Variants in GNAS observed in about 807,000 individuals in gnomAD.
The protein encoded by GNAS is GNAS complex locus, also known as protein ALEX.
GNAS carries 8 observed loss-of-function variants against 54.5 expected under a neutral mutation model. That is an observed-to-expected ratio of 0.15 (90% CI 0.09 to 0.26). The LOEUF (loss-of-function observed/expected upper bound fraction) is 0.26, where lower values mean the gene tolerates loss of function less well. Ranked by LOEUF, GNAS falls within the 10% of genes least tolerant of loss-of-function variation. The pLI is 1.00. For synonymous variants in GNAS, 204 were observed against 191.4 expected (o/e 1.07, Z -0.54); for missense variants, 170 against 529.8 (o/e 0.32, Z 6.67).
In GNAS at chr20:58,841,461, G is replaced by C. The variant is rs1457212900; in HGVS notation, c.43+575G>C. ...GTCACGCGCGCGCGGCGCCTAAGCAGCTCAGAGCCGGAGCCCAGGTCCCAG... is the reference window on the plus strand; with the variant it reads ...GTCACGCGCGCGCGGCGCCTAAGCACCTCAGAGCCGGAGCCCAGGTCCCAG... On this transcript the variant is annotated intron_variant, in intron 1 of 12. Transcript: ENST00000306090. This position sits in a 1 kb window ranked among gnomAD's most constrained non-coding sequence, Gnocchi z 5.0. 2 of 992,140 alleles carry C rather than the reference G, an allele frequency of 2.0e-6. No individual in the cohort carries two copies. Among genetic ancestry groups the C allele is most frequent in the East Asian group, 1.1e-4 (1 of 8,962 alleles). 61.5% of individuals were successfully genotyped at this position (992,140 alleles called of 1,614,324 possible). A position where few individuals can be genotyped will look rare whatever the true frequency, so the allele number is the denominator to read the frequency against.
intron 1 of GNAS, among the ~76,000 whole-genome samples, chr20:58,871,772 G>A (rs2087485540): frequency 6.6e-6 from 1 of 151,954 alleles, no homozygotes. Flanking sequence ...AAAAAGAGAA[G>A]AAAAGAAAAA....
chr20:58,848,827 T>C (rs920506118), intron 1 of GNAS: 1 of 398,464 alleles, frequency 2.5e-6, no homozygotes, highest in African/African-American at 2.1e-5. Context: ...TTGGCCACAC[T>C]TCTGGGGTCC....
Position 58,853,135 on chromosome 20 carries a change from A to G in GNAS, c.43+12249A>G. On this transcript the variant is annotated intron_variant, in intron 1 of 12. Transcript: ENST00000306090. This position sits in a 1 kb window ranked among gnomAD's most constrained non-coding sequence, Gnocchi z 4.4. ...ACCCCCCAACCTCACAAGGGTTGGA[A>G]AGTGAGGCCGGTGAACTTTCCAGCT... The G allele has an allele frequency of 7.0e-7, 1 of 1,432,250 alleles. No individual in the cohort carries two copies. Among genetic ancestry groups the G allele is most frequent in the South Asian group, 1.6e-5 (1 of 64,322 alleles). 88.7% of individuals were successfully genotyped at this position (1,432,250 alleles called of 1,614,324 possible). A position where few individuals can be genotyped will look rare whatever the true frequency, so the allele number is the denominator to read the frequency against.
intron 1 of GNAS, among the ~76,000 whole-genome samples, chr20:58,851,817 C>A (rs755345762): frequency 6.6e-5 from 10 of 152,186 alleles, no homozygotes; most frequent in Admixed American, 2.0e-4. Flanking sequence ...AGGAGAGGGG[C>A]TAGAAGGGTG....
intron 3 of GNAS, chr20:58,899,349 C>A (rs772353590): frequency 5.1e-5 from 26 of 511,232 alleles, no homozygotes; most frequent in Admixed American, 1.6e-4. Flanking sequence ...CTACTAAATT[C>A]CATCTACCCA....
intron 1 of GNAS, chr20:58,842,056 G>A: frequency 2.1e-6 from 1 of 480,666 alleles, no homozygotes; most frequent in Non-Finnish European, 3.3e-6. Flanking sequence ...GGCAGCCTTG[G>A]GGAGGGGAGG....
At chr20:58,842,167 C>G (rs1339297904) in intron 1 of GNAS, 1 of 398,588 alleles carries the variant, frequency 2.5e-6, no homozygotes, top group Admixed American at 4.4e-5. Flanking sequence ...AAAACGGCAG[C>G]AATCTGGTAA....
intron 1 of GNAS, among the ~76,000 whole-genome samples, chr20:58,884,118 C>CA (rs764787312): frequency 1.3e-5 from 2 of 152,198 alleles, no homozygotes; most frequent in Non-Finnish European, 2.9e-5. Flanking sequence ...GTCTAAATCT[C>CA]AGTTTTCCCA....
At chr20:58,908,003 C>T (rs1305372882) in intron 6 of GNAS, among the ~76,000 whole-genome samples, 1 of 152,182 alleles carries the variant, frequency 6.6e-6, no homozygotes, top group African/African-American at 2.4e-5. Context: ...ATGCTGGAGG[C>T]CAGGGCGGCT....
upstream of GNAS, chr20:58,839,941 G>A: frequency 3.0e-6 from 2 of 675,254 alleles, no homozygotes; most frequent in Non-Finnish European, 5.1e-6. Context: ...GGTCAGGAAG[G>A]TAGGTGCTTC....
At chr20:58,888,176 A>G (rs1015490853), upstream of GNAS, among the ~76,000 whole-genome samples, 5 of 152,160 alleles carry the variant, frequency 3.3e-5, no homozygotes, top group Admixed American at 3.3e-4. Flanking sequence ...AAAAGTTGGA[A>G]GACAGTTTGT....
rs1332901017 is a variant in GNAS, at chr20:58,841,884, G to A, written c.43+998G>A. On this transcript the variant is annotated intron_variant, in intron 1 of 12. Coordinates refer to the GNAS transcript ENST00000306090. The surrounding 1 kb of genome is among the most constrained non-coding windows in gnomAD (Gnocchi z 5.0). ...TCGTCGCAAGTGGAAAGGTAAAGCG[G>A]AACAAGGGACAGGCTGGAGACGGGG... The A allele has an allele frequency of 2.4e-6, 3 of 1,231,454 alleles. No individual in the cohort carries two copies. In the South Asian group the frequency reaches 1.3e-4, roughly 51 times the overall value. The allele number at this position is 1,231,454 out of a possible 1,614,324, so 76.3% of individuals were successfully genotyped here.
At chr20:58,898,802 C>T (rs1159020571) in intron 2 of GNAS, 139 bp from the exon 3 acceptor site, 8 of 812,354 alleles carry the variant, frequency 9.8e-6, no homozygotes, top group Admixed American at 1.7e-5. Context: ...TAAGAATTGC[C>T]GGGAGGATGG....
rs74897360 is a variant in GNAS, at chr20:58,855,063, C to G, written c.43+14177C>G. ...GTTTCAGCATCGGCGAAATCGCCGC[C>G]GCCGAAAGCCCCAGCGCAACTTACT... On this transcript the variant is annotated intron_variant, in intron 1 of 12. Transcript: ENST00000306090. 11,311 of 1,613,168 alleles carry G rather than the reference C, an allele frequency of 7.0e-3. 65 individuals carry two copies. The highest frequency in any genetic ancestry group is 0.012 in the South Asian group (1,071 of 91,088).
intron 3 of GNAS, chr20:58,903,226 G>A: frequency 2.1e-6 from 1 of 481,576 alleles, no homozygotes; most frequent in East Asian, 4.1e-5. Context: ...GGAAGTGTTA[G>A]TATGTAGTGT....
rs971804131 is a variant in GNAS at position 58,841,029 on chromosome 20, G to A, written c.43+143G>A. 7.1e-6 allele frequency: 7 copies of A among 981,594 alleles called. No individual in the cohort carries two copies. Among genetic ancestry groups the A allele is most frequent in the African/African-American group, 1.6e-5 (1 of 61,616 alleles). 60.8% of individuals were successfully genotyped at this position (981,594 alleles called of 1,614,324 possible). On this transcript the variant is annotated intron_variant, in intron 1 of 12. Transcript: ENST00000306090. The surrounding 1 kb of genome is among the most constrained non-coding windows in gnomAD (Gnocchi z 5.0). ...GGTCAGCCTGGGATCGGGGGTCAGG[G>A]TGAGGCGGCGAGGGCTCCCCCAAAC...
intron 1 of GNAS, among the ~76,000 whole-genome samples, chr20:58,871,474 C>A (rs1243720136): frequency 6.6e-6 from 1 of 151,746 alleles, no homozygotes; most frequent in Non-Finnish European, 1.5e-5. Context: ...ATTAGCTGGG[C>A]ATGGTGGCGC....
intron 3 of GNAS, 24 bp downstream of exon 3, chr20:58,899,009 A>T: frequency 6.3e-7 from 1 of 1,594,296 alleles, no homozygotes; most frequent in Non-Finnish European, 8.6e-7. Context: ...AAACCAGAAA[A>T]AATTGTTAAC....
intron 1 of GNAS, 50 bp downstream of exon 1, chr20:58,891,915 C>T (rs745619918): frequency 5.9e-5 from 57 of 966,204 alleles, no homozygotes; most frequent in Non-Finnish European, 5.9e-5. Flanking sequence ...CCTCGAAGGG[C>T]GCCCCGCAGG....
Sources: gnomAD v4.1 joint callset for allele counts (sites outside exome capture counted in the v4.1 genomes callset) on GRCh38, gnomAD v4.1.1 for gene constraint, Gnocchi (gnomAD v3.1) non-coding constraint, MANE v1.5 for transcripts, NCBI Gene and HGNC (gene_info 2026-07-23, HGNC 2026-07-21) for gene names.